USP30: variants seen among roughly 807,000 people sequenced by gnomAD.
The protein encoded by USP30 is ubiquitin carboxyl-terminal hydrolase 30.
In USP30, 41 loss-of-function variants were observed where a neutral mutation model predicts 68.2. That is an observed-to-expected ratio of 0.60 (90% CI 0.47 to 0.78). The LOEUF is 0.78. Ranked by LOEUF, USP30 falls within the 30% of genes least tolerant of loss-of-function variation. USP30 has a pLI of 0.00. For synonymous variants in USP30, 229 were observed against 253.7 expected, an observed-to-expected ratio of 0.90 and a Z score of 0.93; for missense variants, 522 against 649.4, an observed-to-expected ratio of 0.80 and a Z score of 2.13.
rs546072837 is a variant in USP30, at chr12:109,038,249, G to A, written c.-135-9341G>A. 1.9e-4 allele frequency among the ~76,000 whole-genome samples: 26 copies of A among 136,170 alleles called. No homozygotes were observed. In the East Asian group the frequency reaches 4.3e-3, roughly 23 times the overall value. The allele number at this position is 136,170 out of a possible 152,430, so 89.3% of individuals were successfully genotyped here. On this transcript the variant is annotated intron_variant, in intron 3 of 15. Transcript: ENST00000392784. ...AGTTTCCATGTGTTCTCACCATGCA[G>A]CTCCCAATTGTAAGCATGTAAATAT...
At chr12:109,034,810 G>A (rs1260066880) in intron 3 of USP30, among the ~76,000 whole-genome samples, 1 of 151,686 alleles carries the variant, frequency 6.6e-6, no homozygotes, top group East Asian at 1.9e-4. Flanking sequence ...GTATTGTTAA[G>A]TGCATGTATG....
In USP30 at chr12:109,082,671, C is replaced by T. The variant is rs781072186; in HGVS notation, c.876C>T (p.Ala292=). Reference sequence around the variant, plus strand: ...TGTTCCTTTTATTTCAGATTGAAGCCAAGGGAACGTTGAACGGGGAAAAGG... The same window carrying T: ...TGTTCCTTTTATTTCAGATTGAAGCTAAGGGAACGTTGAACGGGGAAAAGG... The part of the protein sequence containing the change: ...VVCDNCTKIE[A]KGTLNGEKVE... The change falls in exon 10 of 13, where the codon GCC becomes GCT. Residue 292 remains alanine, a synonymous_variant. Coordinates refer to ENST00000257548, the MANE Select transcript of USP30 (RefSeq NM_032663.5). 8 of 1,614,100 alleles carry T rather than the reference C, an allele frequency of 5.0e-6. No individual in the cohort carries two copies. The Admixed American group carries it at 1.0e-4, about 20-fold the overall frequency.
chr12:109,066,811 G>T (rs769515944), intron 3 of USP30, among the ~76,000 whole-genome samples: 1 of 152,218 alleles, frequency 6.6e-6, no homozygotes, highest in Non-Finnish European at 1.5e-5. Flanking sequence ...AAACAGCCCT[G>T]TGGAGAGGAG....
At chr12:109,059,790 G>A (rs1472461344) in intron 3 of USP30, among the ~76,000 whole-genome samples, 4 of 152,192 alleles carry the variant, frequency 2.6e-5, no homozygotes, top group Non-Finnish European at 5.9e-5. Context: ...GATTACAGGC[G>A]TGAGCCACTG....
chr12:109,083,703 T>C (rs1289247170), intron 11 of USP30, among the ~76,000 whole-genome samples: 1 of 152,138 alleles, frequency 6.6e-6, no homozygotes, highest in Non-Finnish European at 1.5e-5. Flanking sequence ...TCTTTAGAGT[T>C]AGACATGAGG....
chr12:109,062,620 G>A (rs570994056), intron 3 of USP30, among the ~76,000 whole-genome samples: 16 of 152,154 alleles, frequency 1.1e-4, no homozygotes, highest in East Asian at 3.9e-4. Flanking sequence ...GAGCCACCGC[G>A]CCCAGCCTTT....
At chr12:109,059,020 C>G (rs1302807591) in intron 3 of USP30, among the ~76,000 whole-genome samples, 1 of 152,128 alleles carries the variant, frequency 6.6e-6, no homozygotes, top group Non-Finnish European at 1.5e-5. Context: ...AATTCCATGT[C>G]TGGGAGTCCG....
At chr12:109,055,951 G>T (rs1189628861) in intron 1 of USP30, among the ~76,000 whole-genome samples, 1 of 152,136 alleles carries the variant, frequency 6.6e-6, no homozygotes, top group East Asian at 1.9e-4. Flanking sequence ...GATATGTTCA[G>T]GTAGGCCTCT....
intron 3 of USP30, among the ~76,000 whole-genome samples, chr12:109,060,806 C>T (rs180967922): frequency 6.6e-6 from 1 of 152,138 alleles, no homozygotes; most frequent in Non-Finnish European, 1.5e-5. Flanking sequence ...AGGCATGCCC[C>T]ACCACGCCTG....
chr12:109,028,707 C>A (rs1344040815), intron 3 of USP30, among the ~76,000 whole-genome samples: 1 of 152,130 alleles, frequency 6.6e-6, no homozygotes, highest in Non-Finnish European at 1.5e-5. Context: ...AAACTCCTGA[C>A]CTCAGGTGAT....
At chr12:109,085,537 T>C in intron 12 of USP30, 130 bp from the exon 13 acceptor site, 1 of 1,083,272 alleles carries the variant, frequency 9.2e-7, no homozygotes, top group Admixed American at 2.2e-5. Flanking sequence ...TTTTAATAGT[T>C]GTGTAGCATT....
At chr12:109,081,275 C>T in intron 7 of USP30, 59 bp from the exon 8 acceptor site, 1 of 1,552,800 alleles carries the variant, frequency 6.4e-7, no homozygotes. Flanking sequence ...TATCTTGCAT[C>T]TTTAAAACTT....
At chr12:109,084,674 T>C (rs2041897333) in intron 11 of USP30, among the ~76,000 whole-genome samples, 1 of 152,200 alleles carries the variant, frequency 6.6e-6, no homozygotes, top group African/African-American at 2.4e-5. Context: ...TTAACTTTGA[T>C]ACATGGCATT....
chr12:109,067,876 C>G (rs1456817373), intron 4 of USP30, among the ~76,000 whole-genome samples: 1 of 152,104 alleles, frequency 6.6e-6, no homozygotes, highest in African/African-American at 2.4e-5. Context: ...AGAGCAAAAT[C>G]TTTTTAGTTC....
At chr12:109,046,450 A>G (rs1005816539) in intron 3 of USP30, among the ~76,000 whole-genome samples, 26 of 150,572 alleles carry the variant, frequency 1.7e-4, no homozygotes, top group Non-Finnish European at 3.4e-4. Context: ...CAGGCCTTCA[A>G]TTAATTGGAT....
upstream of USP30, among the ~76,000 whole-genome samples, chr12:109,049,361 G>A (rs1381926708): frequency 2.6e-5 from 4 of 152,182 alleles, no homozygotes; most frequent in Admixed American, 2.0e-4. Flanking sequence ...AAGAGTGAGA[G>A]AGAGGGGGGA....
Position 109,024,801 on chromosome 12 carries a change from A to G in USP30, c.-497-2A>G, listed in dbSNP as rs2040432805. 6.6e-6 allele frequency: 1 copy of G among 150,960 alleles called. No individual in the cohort carries two copies. The highest frequency in any genetic ancestry group is 2.4e-5 in the African/African-American group (1 of 40,952). 9.4% of individuals were successfully genotyped at this position (150,960 alleles called of 1,614,324 possible). On this transcript the variant is annotated splice_acceptor_variant, in intron 1 of 15. Transcript: ENST00000392784. LOFTEE classifies it low-confidence loss of function (5UTR_SPLICE). ...CCCTGGGCTAATTTTTTGTATTTTTAGTATTGACAGGATTTCACCATGTTA... is the reference window on the plus strand; with the variant it reads ...CCCTGGGCTAATTTTTTGTATTTTTGGTATTGACAGGATTTCACCATGTTA...
upstream of USP30, among the ~76,000 whole-genome samples, chr12:109,048,030 G>A (rs964796267): frequency 2.0e-5 from 3 of 150,622 alleles, no homozygotes; most frequent in Non-Finnish European, 2.9e-5. Context: ...TCCAGAGGCC[G>A]TACAATGAGT....
chr12:109,044,176 G>A (rs746831320), intron 3 of USP30, among the ~76,000 whole-genome samples: 1 of 152,212 alleles, frequency 6.6e-6, no homozygotes, highest in African/African-American at 2.4e-5. Context: ...AATAAATAGA[G>A]ACAAAATGTA....
Sources: allele counts gnomAD v4.1 joint callset (sites outside exome capture counted in the v4.1 genomes callset), GRCh38; gene constraint gnomAD v4.1.1; transcripts MANE v1.5; gene names NCBI Gene and HGNC (gene_info 2026-07-23, HGNC 2026-07-21).